The following PDC variants were observed in gnomAD, a reference collection of about 807,000 sequenced individuals.
PDC encodes 33 kDa phototransducing protein.
PDC carries 19 observed loss-of-function variants against 22.2 expected under a neutral mutation model. The ratio of observed to expected loss-of-function variants is 0.86; its 90% CI spans 0.60 to 1.26. The LOEUF (loss-of-function observed/expected upper bound fraction) is 1.26. PDC is among the 50% of genes most tolerant of loss of function. The pLI, the probability that PDC is intolerant of heterozygous loss-of-function variation, is 0.00. For synonymous variants in PDC, 97 were observed against 96.2 expected, an observed-to-expected ratio of 1.01 and a Z score of -0.05; for missense variants, 274 against 286.8, an observed-to-expected ratio of 0.96 and a Z score of 0.32.
chr1:186,459,740 A>ATG (rs1299842097), intron 1 of PDC, among the ~76,000 whole-genome samples: 33 of 95,214 alleles, frequency 3.5e-4, no homozygotes, highest in Middle Eastern at 5.8e-3. Flanking sequence ...AATGGACAAT[A>ATG]TGTGTGTGTG....
intron 1 of PDC, among the ~76,000 whole-genome samples, chr1:186,455,390 A>C (rs1662435982): frequency 6.6e-6 from 1 of 152,176 alleles, no homozygotes; most frequent in African/African-American, 2.4e-5. Flanking sequence ...TTTTGAGGGA[A>C]TATAATTCAG....
chr1:186,453,037 C>T (rs1245985645), intron 1 of PDC, among the ~76,000 whole-genome samples: 2 of 152,158 alleles, frequency 1.3e-5, no homozygotes, highest in African/African-American at 4.8e-5. Flanking sequence ...TTATCACCCT[C>T]TTCGAAAGTA....
chr1:186,455,257 T>A (rs1038058521), intron 1 of PDC, among the ~76,000 whole-genome samples: 2 of 152,178 alleles, frequency 1.3e-5, no homozygotes, highest in African/African-American at 4.8e-5. Context: ...CTCCCCGGTG[T>A]CTTTTCTTGT....
In PDC at chr1:186,443,811, G is replaced by A. The variant is rs1662155228; in HGVS notation, c.*168C>T. ...TTGTAGTCAAGCATTGTATCAATTT[G>A]AGTAACTAATACTAAGAAATGCTAA... On this transcript the variant is annotated 3_prime_UTR_variant, in exon 4 of 4. Transcript: ENST00000391997. The A allele has an allele frequency of 6.8e-6, 4 of 587,056 alleles. No individual in the cohort carries two copies. Among genetic ancestry groups the A allele is most frequent in the Non-Finnish European group, 1.2e-5 (4 of 330,760 alleles). The allele number at this position is 587,056 out of a possible 1,614,324, so 36.4% of individuals were successfully genotyped here.
chr1:186,446,941 G>A (rs1254900983), intron 2 of PDC, among the ~76,000 whole-genome samples: 1 of 152,060 alleles, frequency 6.6e-6, no homozygotes, highest in Non-Finnish European at 1.5e-5. Context: ...AAAAACTTCA[G>A]CAACAAACTA....
intron 1 of PDC, among the ~76,000 whole-genome samples, chr1:186,455,373 G>A (rs1421778037): frequency 6.6e-6 from 1 of 152,098 alleles, no homozygotes; most frequent in African/African-American, 2.4e-5. Flanking sequence ...GGGGCTCAAT[G>A]TATGAATTTT....
intron 1 of PDC, among the ~76,000 whole-genome samples, chr1:186,452,555 T>C (rs1160272175): frequency 6.6e-6 from 1 of 152,234 alleles, no homozygotes. Context: ...AGTAATTTAA[T>C]TGAAATATTT....
chr1:186,445,193 T>C (rs1030643881), intron 3 of PDC, among the ~76,000 whole-genome samples: 4 of 151,878 alleles, frequency 2.6e-5, no homozygotes, highest in Non-Finnish European at 4.4e-5. Flanking sequence ...GAAAAAAAGG[T>C]ATAAAGGAAC....
chr1:186,452,687 T>C (rs1662377410), intron 1 of PDC, among the ~76,000 whole-genome samples: 1 of 152,238 alleles, frequency 6.6e-6, no homozygotes, highest in South Asian at 2.1e-4. Context: ...AAACATTTCA[T>C]TTACAATGCT....
intron 1 of PDC, among the ~76,000 whole-genome samples, chr1:186,459,554 G>A (rs188380432): frequency 6.6e-6 from 1 of 151,892 alleles, no homozygotes; most frequent in African/African-American, 2.4e-5. Context: ...TGTACATATT[G>A]TTTGAATTCC....
rs187333984 is a variant in PDC at position 186,450,502 on chromosome 1, G to A, written c.-24-1019C>T. ...TACAGGTGTGTGTTTGCGCCACCAC[G>A]CCCTGCTAATGTTTTTTTTTATTTT... On this transcript the variant is annotated intron_variant, in intron 1 of 3. Coordinates refer to ENST00000391997, the MANE Select transcript of PDC (RefSeq NM_002597.5). Among the ~76,000 whole-genome samples the A allele has an allele frequency of 3.2e-4, 49 of 151,852 alleles. No individual in the cohort carries two copies. The East Asian group carries it at 8.2e-3, about 25-fold the overall frequency.
chr1:186,457,979 T>C (rs1662502501), intron 1 of PDC, among the ~76,000 whole-genome samples: 1 of 152,176 alleles, frequency 6.6e-6, no homozygotes, highest in Non-Finnish European at 1.5e-5. Context: ...ATTTTCTGTT[T>C]CTACCCTACT....
chr1:186,446,015 C>A (rs1662220135), intron 3 of PDC, among the ~76,000 whole-genome samples: 1 of 152,124 alleles, frequency 6.6e-6, no homozygotes, highest in African/African-American at 2.4e-5. Flanking sequence ...AGATACATTT[C>A]CAAAGTTTAA....
intron 3 of PDC, 76 bp from the exon 4 acceptor site, chr1:186,444,582 G>A (rs11812050): frequency 4.2e-6 from 4 of 942,254 alleles, no homozygotes; most frequent in Non-Finnish European, 6.3e-6. Flanking sequence ...ATTCTCAACC[G>A]AAGGAGTGTA....
rs12407957 is a variant in PDC, at chr1:186,449,468, C to T, written c.-9G>A. The T allele has an allele frequency of 0.13, 211,489 of 1,567,472 alleles. 18,375 individuals carry two copies. The highest frequency in any genetic ancestry group is 0.42 in the African/African-American group (30,615 of 73,398). On this transcript the variant is annotated 5_prime_UTR_variant, in exon 2 of 4. Coordinates refer to ENST00000391997, the MANE Select transcript of PDC (RefSeq NM_002597.5). Reference sequence around the variant, plus strand: ...CTTTTGGCTTCTTCCATTTTAGGGACTGGATTTGATATAATCTATAGGAGG... The same window carrying T: ...CTTTTGGCTTCTTCCATTTTAGGGATTGGATTTGATATAATCTATAGGAGG...
rs371059092 is a variant in PDC, at chr1:186,453,291, G to A, written c.-24-3808C>T. On this transcript the variant is annotated intron_variant, in intron 1 of 3. Transcript: ENST00000391997. ...TTGTTCCTGTTTCATTTATGATAGC[G>A]ATGATCTGGAATACAAAGGAAGTGA... Among the ~76,000 whole-genome samples the A allele has an allele frequency of 6.6e-5, 10 of 151,934 alleles. No individual in the cohort carries two copies. The East Asian group carries it at 1.5e-3, about 23-fold the overall frequency.
Position 186,443,922 on chromosome 1 carries a change from C to T in PDC, c.*57G>A. 7.5e-7 allele frequency: 1 copy of T among 1,340,310 alleles called. No individual in the cohort carries two copies. The highest frequency in any genetic ancestry group is 1.0e-6 in the Non-Finnish European group (1 of 954,832). The allele number at this position is 1,340,310 out of a possible 1,614,324, so 83.0% of individuals were successfully genotyped here. A position where few individuals can be genotyped will look rare whatever the true frequency, so the allele number is the denominator to read the frequency against. On this transcript the variant is annotated 3_prime_UTR_variant, in exon 4 of 4. Coordinates refer to ENST00000391997, the MANE Select transcript of PDC (RefSeq NM_002597.5). ...GTTCACTAAAGCAATATAGATACTA[C>T]CAAAACCATCATCCAATACCTAAAG... is the stretch of plus-strand genomic sequence containing the variant.
At chr1:186,458,400 T>C (rs373917309) in intron 1 of PDC, among the ~76,000 whole-genome samples, 23 of 150,590 alleles carry the variant, frequency 1.5e-4, no homozygotes, top group African/African-American at 5.5e-4. Flanking sequence ...TATTAGACCT[T>C]GCTTTTTTCC....
chr1:186,443,825 A>G lies in PDC; in HGVS notation c.*154T>C, dbSNP rs1662155716. The G allele has an allele frequency of 1.6e-6, 1 of 618,026 alleles. No individual in the cohort carries two copies. The highest frequency in any genetic ancestry group is 2.1e-5 in the South Asian group (1 of 48,722). The allele number at this position is 618,026 out of a possible 1,614,324, so 38.3% of individuals were successfully genotyped here. On this transcript the variant is annotated 3_prime_UTR_variant, in exon 4 of 4. Transcript: ENST00000391997. ...TGTATCAATTTGAGTAACTAATACT[A>G]AGAAATGCTAATAACTCGATTGTTG... is the stretch of plus-strand genomic sequence containing the variant.
Sources: gnomAD v4.1 joint callset for allele counts (sites outside exome capture counted in the v4.1 genomes callset) on GRCh38, gnomAD v4.1.1 for gene constraint, MANE v1.5 for transcripts, NCBI Gene and HGNC (gene_info 2026-07-23, HGNC 2026-07-21) for gene names.